Variants in STARD10 observed in about 807,000 individuals in gnomAD.
STARD10 encodes START domain-containing protein 10.
STARD10 carries 24 observed loss-of-function variants against 36.0 expected under a neutral mutation model. The ratio of observed to expected loss-of-function variants is 0.67; its 90% confidence interval spans 0.48 to 0.94. The LOEUF (loss-of-function observed/expected upper bound fraction) is 0.94, where lower values mean the gene tolerates loss of function less well. STARD10 is among the 40% of genes least tolerant of loss of function. STARD10 has a pLI of 0.00. For synonymous variants in STARD10, 156 were observed against 161.9 expected, an observed-to-expected ratio of 0.96 and a Z score of 0.28; for missense variants, 335 against 396.6, an observed-to-expected ratio of 0.84 and a Z score of 1.32.
Position 72,781,428 on chromosome 11 carries a change from T to G in STARD10, c.-113-134A>C. The G allele has an allele frequency of 1.9e-6, 1 of 524,290 alleles. No homozygotes were observed. The allele number at this position is 524,290 out of a possible 1,614,324, so 32.5% of individuals were successfully genotyped here. A position where few individuals can be genotyped will look rare whatever the true frequency, so the allele number is the denominator to read the frequency against. On this transcript the variant is annotated intron_variant, in intron 1 of 6. Coordinates refer to ENST00000334805, the MANE Select transcript of STARD10 (RefSeq NM_006645.3). The surrounding 1 kb of genome is among the most constrained non-coding windows in gnomAD (Gnocchi z 4.7). ...AAGGGCGGACGGGCGCTGGACAGCC[T>G]CGGGGTCCCCCTCCCGAGGAGCGCC...
intron 2 of STARD10, among the ~76,000 whole-genome samples, chr11:72,771,605 GC>G (rs1037130902): frequency 6.6e-4 from 100 of 152,178 alleles, no homozygotes; most frequent in African/African-American, 2.2e-3. Context: ...GGCCTTCTCC[GC>G]CGCTCTCCAT....
chr11:72,754,762 C>T lies in STARD10; in HGVS notation c.*135G>A, dbSNP rs917431676. 2 of 1,337,988 alleles carry T rather than the reference C, an allele frequency of 1.5e-6. No homozygotes were observed. Among genetic ancestry groups the T allele is most frequent in the East Asian group, 2.5e-5 (1 of 39,558 alleles). The allele number at this position is 1,337,988 out of a possible 1,614,324, so 82.9% of individuals were successfully genotyped here. On this transcript the variant is annotated 3_prime_UTR_variant, in exon 7 of 7. Transcript: ENST00000334805. ...TGGGATCGTTTATTGGGGCTCTGTC[C>T]AGCCAGGCTGCAGCACCCGCCTGGG... is the stretch of plus-strand genomic sequence containing the variant.
chr11:72,762,462 G>A (rs973953000), intron 2 of STARD10, among the ~76,000 whole-genome samples: 1 of 152,048 alleles, frequency 6.6e-6, no homozygotes, highest in African/African-American at 2.4e-5. Context: ...TATTGTTTGT[G>A]TCACCCTAAA....
intron 2 of STARD10, among the ~76,000 whole-genome samples, chr11:72,760,229 A>G (rs1038946960): frequency 7.4e-6 from 1 of 135,380 alleles, no homozygotes; most frequent in African/African-American, 2.8e-5. Context: ...TCATTCATTC[A>G]TTCATTCATT....
chr11:72,755,807 C>A, intron 5 of STARD10, 54 bp from the exon 6 acceptor site: 1 of 1,529,240 alleles, frequency 6.5e-7, no homozygotes, highest in South Asian at 1.2e-5. Flanking sequence ...CCCTCCGCCC[C>A]TGACAAAAGC....
intron 2 of STARD10, among the ~76,000 whole-genome samples, chr11:72,770,648 C>G (rs1858843547): frequency 6.6e-6 from 1 of 152,188 alleles, no homozygotes; most frequent in Non-Finnish European, 1.5e-5. Flanking sequence ...CCTGGGAACA[C>G]TCTGCGTTGT....
intron 2 of STARD10, among the ~76,000 whole-genome samples, chr11:72,763,813 C>G (rs1209945103): frequency 1.3e-5 from 2 of 152,198 alleles, no homozygotes; most frequent in African/African-American, 2.4e-5. Flanking sequence ...CAGGGAGGTC[C>G]AGGCACTGCC....
At chr11:72,774,329 C>T (rs936158267) in intron 2 of STARD10, among the ~76,000 whole-genome samples, 2 of 152,172 alleles carry the variant, frequency 1.3e-5, no homozygotes, top group African/African-American at 4.8e-5. Context: ...CTTCAGGGAG[C>T]CCAGGCTGAG....
intron 1 of STARD10, among the ~76,000 whole-genome samples, chr11:72,792,428 G>A (rs1047564654): frequency 7.2e-5 from 11 of 151,978 alleles, no homozygotes; most frequent in African/African-American, 2.7e-4. Context: ...GCCTGGGGAG[G>A]CCCAATCTGT....
intron 5 of STARD10, 51 bp from the exon 6 acceptor site, chr11:72,755,804 C>A: frequency 6.5e-7 from 1 of 1,537,880 alleles, no homozygotes; most frequent in Non-Finnish European, 8.8e-7. Context: ...AGCCCCTCCG[C>A]CCCTGACAAA....
Position 72,755,756 on chromosome 11 carries a change from G to A in STARD10, c.578-3C>T, listed in dbSNP as rs1246242103. On this transcript the variant is annotated splice_polypyrimidine_tract_variant and splice_region_variant and intron_variant, in intron 5 of 6. Transcript: ENST00000334805. ...CACCACCCACTTGGGTAAGGAGCCT[G>A]TGAGGGCAGGGAAGGGAGGAAGCAG... 6.2e-7 allele frequency: 1 copy of A among 1,611,924 alleles called. No homozygotes were observed. Among genetic ancestry groups the A allele is most frequent in the South Asian group, 1.1e-5 (1 of 90,822 alleles).
chr11:72,773,704 T>C (rs1209624541), intron 2 of STARD10, among the ~76,000 whole-genome samples: 1 of 152,082 alleles, frequency 6.6e-6, no homozygotes, highest in Non-Finnish European at 1.5e-5. Flanking sequence ...ACACACACAG[T>C]CACCCACAAT....
intron 1 of STARD10, among the ~76,000 whole-genome samples, chr11:72,784,422 G>C (rs1253928611): frequency 6.6e-6 from 1 of 152,170 alleles, no homozygotes. Context: ...CCTATCCTCT[G>C]AGAATTGTGG....
rs1304309762 is a variant in STARD10 at position 72,780,959 on chromosome 11, T to C, written c.207+16A>G. On this transcript the variant is annotated intron_variant, in intron 2 of 6. Transcript: ENST00000334805. ...AAGGGTGCAGTGGAGGCTGCAGGTA[T>C]AGCGGGCAACCCTACCTTGATCTTG... The C allele has an allele frequency of 2.5e-6, 4 of 1,613,722 alleles. No individual in the cohort carries two copies. The South Asian group carries it at 4.4e-5, about 18-fold the overall frequency.
chr11:72,787,929 G>A (rs1436819214), intron 1 of STARD10, among the ~76,000 whole-genome samples: 1 of 152,192 alleles, frequency 6.6e-6, no homozygotes, highest in African/African-American at 2.4e-5. Flanking sequence ...ACTCAGTACA[G>A]TTTCCACCTC....
chr11:72,758,417 G>T, intron 4 of STARD10, 113 bp downstream of exon 4: 2 of 788,348 alleles, frequency 2.5e-6, no homozygotes, highest in Non-Finnish European at 2.2e-6. Context: ...GGAAACTGAG[G>T]GCCAGTGGGC....
intron 1 of STARD10, chr11:72,782,017 G>T (rs1859009215): frequency 6.6e-6 from 1 of 152,202 alleles, no homozygotes; most frequent in Non-Finnish European, 1.5e-5. Flanking sequence ...AGGGAAAGGG[G>T]TGAGGAGATG....
In STARD10 at chr11:72,754,949, C is replaced by T; in HGVS notation, c.824G>A (p.Arg275Gln). Residue 275 changes from arginine (R) to glutamine (Q), a missense_variant, in exon 7 of 7, where the codon CGG becomes CAG. Physicochemically the swap from Arg to Gln is conservative, Grantham distance 43. Transcript: ENST00000334805. Reference sequence around the variant, plus strand: ...GCCCTCGCCGCCCGCGCCGCCCATCCGCTCCTCTCTGCTCTCGGCCACCGC... The same window carrying T: ...GCCCTCGCCGCCCGCGCCGCCCATCTGCTCCTCTCTGCTCTCGGCCACCGC... ...ESAVAESREE[R>Q]MGGAGGEGSD... 1.2e-6 allele frequency: 2 copies of T among 1,607,196 alleles called. No individual in the cohort carries two copies. Among genetic ancestry groups the T allele is most frequent in the Non-Finnish European group, 8.5e-7 (1 of 1,178,904 alleles).
intron 5 of STARD10, 73 bp from the exon 6 acceptor site, chr11:72,755,826 C>G: frequency 7.1e-7 from 1 of 1,408,112 alleles, no homozygotes; most frequent in Admixed American, 2.2e-5. Flanking sequence ...GCCCCACCCT[C>G]TGCCCAGAGC....
Sources: gnomAD v4.1 joint callset for allele counts (sites outside exome capture counted in the v4.1 genomes callset) on GRCh38, gnomAD v4.1.1 for gene constraint, Gnocchi (gnomAD v3.1) non-coding constraint, MANE v1.5 for transcripts, NCBI Gene and HGNC (gene_info 2026-07-23, HGNC 2026-07-21) for gene names.